Variants in KALRN observed in about 807,000 individuals in gnomAD.
The protein encoded by KALRN is kalirin.
A neutral mutation model predicts 353.7 loss-of-function variants in KALRN; 70 were observed. The observed-to-expected ratio is 0.20, with a 90% CI of 0.16 to 0.24. KALRN has a LOEUF of 0.24. Ranked by LOEUF, KALRN falls within the 10% of genes least tolerant of loss-of-function variation. The pLI, the probability that KALRN is intolerant of heterozygous loss-of-function variation, is 1.00. For missense variants in KALRN, 2,791 were observed against 3,756.7 expected, an observed-to-expected ratio of 0.74 and a Z score of 6.72; for synonymous variants, 1,391 against 1,434.8, an observed-to-expected ratio of 0.97 and a Z score of 0.69.
At chr3:124,232,395 T>A (rs1317502717) in intron 2 of KALRN, among the ~76,000 whole-genome samples, 1 of 152,154 alleles carries the variant, frequency 6.6e-6, no homozygotes, top group East Asian at 1.9e-4. Flanking sequence ...TGTCTACTGT[T>A]CCACCCAAAG....
intron 1 of KALRN, among the ~76,000 whole-genome samples, chr3:124,140,512 T>C (rs1357967859): frequency 1.3e-5 from 2 of 152,160 alleles, no homozygotes; most frequent in Non-Finnish European, 2.9e-5. Context: ...CTTACCCAGG[T>C]CTCTCTGAAT....
At chr3:124,428,606 G>A (rs1390182837) in intron 15 of KALRN, among the ~76,000 whole-genome samples, 1 of 152,176 alleles carries the variant, frequency 6.6e-6, no homozygotes, top group Non-Finnish European at 1.5e-5. Context: ...CTGGAGCTAA[G>A]CCATAGATAT....
chr3:124,343,450 G>A (rs1466351718), intron 9 of KALRN, among the ~76,000 whole-genome samples: 2 of 152,138 alleles, frequency 1.3e-5, no homozygotes, highest in Non-Finnish European at 1.5e-5. Context: ...ATGAGCCACT[G>A]CACCTAGTCA....
chr3:124,243,735 A>G (rs1433455910), intron 3 of KALRN, among the ~76,000 whole-genome samples: 3 of 152,178 alleles, frequency 2.0e-5, no homozygotes, highest in Non-Finnish European at 4.4e-5. Context: ...TGAAATGCGC[A>G]TGCTTGCTAA....
chr3:124,658,408 CA>C, intron 41 of KALRN, 22 bp from the exon 42 acceptor site: 1 of 1,573,178 alleles, frequency 6.4e-7, no homozygotes, highest in Non-Finnish European at 8.8e-7. Flanking sequence ...TGACTGTCCA[CA>C]TGTCTCTCTC....
chr3:124,172,282 G>A (rs183488059), intron 1 of KALRN, among the ~76,000 whole-genome samples: 8 of 152,238 alleles, frequency 5.3e-5, no homozygotes, highest in Middle Eastern at 3.4e-3. Context: ...CAAATAGGCC[G>A]TGAGTTCCTA....
chr3:124,319,275 C>A (rs1241981460), intron 6 of KALRN, among the ~76,000 whole-genome samples: 1 of 151,696 alleles, frequency 6.6e-6, no homozygotes, highest in African/African-American at 2.4e-5. Context: ...AGTTCAGCCT[C>A]AGCAACATAG....
intron 10 of KALRN, among the ~76,000 whole-genome samples, chr3:124,381,701 C>A (rs1259472005): frequency 1.3e-5 from 2 of 152,168 alleles, no homozygotes; most frequent in Non-Finnish European, 2.9e-5. Context: ...TTCAAACAGG[C>A]CTACTCATTT....
At chr3:124,198,224 G>A (rs1297374500) in intron 1 of KALRN, among the ~76,000 whole-genome samples, 1 of 152,158 alleles carries the variant, frequency 6.6e-6, no homozygotes, top group East Asian at 1.9e-4. Context: ...CTGGAGTGTG[G>A]TGCTGAGAAA....
intron 34 of KALRN, among the ~76,000 whole-genome samples, chr3:124,601,790 G>A (rs908731836): frequency 6.6e-6 from 1 of 152,080 alleles, no homozygotes; most frequent in Non-Finnish European, 1.5e-5. Flanking sequence ...AGCACTTTGG[G>A]AGGCCAAGGT....
intron 51 of KALRN, among the ~76,000 whole-genome samples, chr3:124,689,102 G>A (rs146557891): frequency 6.6e-6 from 1 of 152,306 alleles, no homozygotes; most frequent in Non-Finnish European, 1.5e-5. Flanking sequence ...CTGTCCTCCC[G>A]GACTTGGCCC....
At chr3:124,518,636 C>T in intron 33 of KALRN, 1 of 1,477,326 alleles carries the variant, frequency 6.8e-7, no homozygotes, top group East Asian at 2.5e-5. Flanking sequence ...CCCGCCTGGG[C>T]CATGGGCTCA....
chr3:124,131,121 G>A (rs1204593288), intron 1 of KALRN, among the ~76,000 whole-genome samples: 1 of 152,174 alleles, frequency 6.6e-6, no homozygotes, highest in Non-Finnish European at 1.5e-5. Flanking sequence ...CAAAGAAAAG[G>A]AAGAGAGATT....
chr3:124,720,472 T>A lies in KALRN; in HGVS notation c.*1002T>A, dbSNP rs1187470281. 1.3e-5 allele frequency: 2 copies of A among 152,672 alleles called. No homozygotes were observed. Among genetic ancestry groups the A allele is most frequent in the African/African-American group, 2.4e-5 (1 of 41,460 alleles). 9.5% of individuals were successfully genotyped at this position (152,672 alleles called of 1,614,324 possible). On this transcript the variant is annotated 3_prime_UTR_variant, in exon 60 of 60. Transcript: ENST00000682506. ...TCTGATTTCTTCTACAGCTGTAGAA[T>A]ACCATCTTTCAGAAAGTTGGCTGGC... is the stretch of plus-strand genomic sequence containing the variant.
chr3:124,524,645 A>G (rs1389813556), intron 33 of KALRN, among the ~76,000 whole-genome samples: 1 of 152,206 alleles, frequency 6.6e-6, no homozygotes, highest in African/African-American at 2.4e-5. Context: ...GCAAGATTCA[A>G]TGAGCTGAAT....
chr3:124,342,205 A>G (rs985365974), intron 9 of KALRN, among the ~76,000 whole-genome samples: 3 of 149,754 alleles, frequency 2.0e-5, no homozygotes, highest in African/African-American at 7.5e-5. Context: ...GTCCAAGTAT[A>G]ATTTTGTTAT....
At chr3:124,442,211 A>T in intron 19 of KALRN, 152 bp downstream of exon 19, 1 of 490,756 alleles carries the variant, frequency 2.0e-6, no homozygotes, top group South Asian at 4.1e-5. Flanking sequence ...GGCAGTAATG[A>T]TTCATGGTCA....
At chr3:124,172,301 C>T (rs2071958926) in intron 1 of KALRN, among the ~76,000 whole-genome samples, 1 of 152,148 alleles carries the variant, frequency 6.6e-6, no homozygotes, top group African/African-American at 2.4e-5. Flanking sequence ...TAAGGTCTTC[C>T]TGTCTTACTC....
At chr3:124,499,664 G>T (rs2064292347) in intron 33 of KALRN, among the ~76,000 whole-genome samples, 1 of 152,148 alleles carries the variant, frequency 6.6e-6, no homozygotes, top group Non-Finnish European at 1.5e-5. Flanking sequence ...TTTTCCATCT[G>T]CTAGCCCTTA....
Sources: allele counts gnomAD v4.1 joint callset (sites outside exome capture counted in the v4.1 genomes callset), GRCh38; gene constraint gnomAD v4.1.1; transcripts MANE v1.5; gene names NCBI Gene and HGNC (gene_info 2026-07-23, HGNC 2026-07-21).